The following SH2D5 variants were observed in gnomAD, a reference collection of about 807,000 sequenced individuals.
SH2D5 encodes the protein SH2 domain-containing protein 5.
Under a neutral mutation model 48.2 loss-of-function variants are expected in SH2D5, and 45 were observed. That is an observed-to-expected ratio of 0.93 (90% confidence interval 0.73 to 1.20). The LOEUF (loss-of-function observed/expected upper bound fraction) is 1.20. Ranked by LOEUF, SH2D5 falls within the 50% of genes most tolerant of loss-of-function variation. The pLI is 0.00. For synonymous variants in SH2D5, 230 were observed against 249.8 expected (o/e 0.92, Z 0.75); for missense variants, 538 against 584.1 (o/e 0.92, Z 0.81).
At position 20,721,809 on chromosome 1, in the gene SH2D5, G is replaced by C; in HGVS notation, c.1255C>G (p.Leu419Val). 1.3e-6 allele frequency: 2 copies of C among 1,589,370 alleles called. No homozygotes were observed. Among genetic ancestry groups the C allele is most frequent in the South Asian group, 1.1e-5 (1 of 88,424 alleles). Residue 419 changes from leucine (L) to valine (V), a missense_variant, in exon 10 of 10, where the codon CTG becomes GTG. Leu to Val is a conservative substitution (Grantham distance 32). Transcript: ENST00000444387. ...CCTACCTCTTAGCCCAGGCCCTGCA[G>C]CTCTGCCTCGGACTTGGCATGGCTG... The part of the protein sequence containing the change: ...PLSHAKSEAE[L>V]QGLG
intron 5 of SH2D5, among the ~76,000 whole-genome samples, chr1:20,725,222 C>T (rs12069700): frequency 0.011 from 1,721 of 152,358 alleles, 30 homozygotes; most frequent in African/African-American, 0.04. Context: ...GAGTTAGAAC[C>T]GTGAGCGTCA....
chr1:20,721,624 C>T lies in SH2D5; in HGVS notation c.*168G>A. 3.3e-6 allele frequency: 2 copies of T among 598,910 alleles called. No homozygotes were observed. The highest frequency in any genetic ancestry group is 2.9e-5 in the South Asian group (1 of 34,082). 37.1% of individuals were successfully genotyped at this position (598,910 alleles called of 1,614,324 possible). ...GTTCTCCAAGAAGCCATTGGCGATA[C>T]CCACCCTCAGGGCTCCCCTCCCACG... On this transcript the variant is annotated 3_prime_UTR_variant, in exon 10 of 10. Coordinates refer to ENST00000444387, the MANE Select transcript of SH2D5 (RefSeq NM_001103161.2).
In SH2D5 at chr1:20,727,531, C is replaced by T. The variant is rs779634683; in HGVS notation, c.160G>A (p.Ala54Thr). The change falls in exon 3 of 10, where the codon GCG (alanine) becomes ACG (threonine). Residue 54 changes from alanine to threonine, a missense_variant. By Grantham distance (58) the Ala-to-Thr change is moderately conservative. Coordinates refer to ENST00000444387, the MANE Select transcript of SH2D5 (RefSeq NM_001103161.2). Reference sequence around the variant, plus strand: ...CCTCCCAGGCCACCCACCTTCAGCGCCCACAGCTGCTGCTGCACCAGCCAC... The same window carrying T: ...CCTCCCAGGCCACCCACCTTCAGCGTCCACAGCTGCTGCTGCACCAGCCAC... ...SVWLVQQQLW[A>T]LKDCPRRRAV... 1 of 1,604,378 alleles carries T rather than the reference C, an allele frequency of 6.2e-7. No individual in the cohort carries two copies. Among genetic ancestry groups the T allele is most frequent in the Middle Eastern group, 1.7e-4 (1 of 6,048 alleles).
At chr1:20,722,632 G>A (rs2054708652) in intron 9 of SH2D5, 124 bp downstream of exon 9, 1 of 1,035,534 alleles carries the variant, frequency 9.7e-7, no homozygotes, top group Non-Finnish European at 1.3e-6. Flanking sequence ...GAGCCAATGG[G>A]AGACAGGGAT....
Position 20,723,699 on chromosome 1 carries a change from C to G in SH2D5, c.835G>C (p.Gly279Arg). Residue 279 changes from glycine (G) to arginine (R), a missense_variant, in exon 8 of 10, where the codon GGT becomes CGT. Transcript: ENST00000444387. ...CTCTCCACCAGGCACGAGTGGCCACCAGGACCCCGGGGCCATGCCTCCCAT... is the reference window on the plus strand; with the variant it reads ...CTCTCCACCAGGCACGAGTGGCCACGAGGACCCCGGGGCCATGCCTCCCAT... ...AAWEAWPRGP[G>R]GHSCLVESEG... 6.2e-7 allele frequency: 1 copy of G among 1,613,074 alleles called. No individual in the cohort carries two copies. Among genetic ancestry groups the G allele is most frequent in the Non-Finnish European group, 8.5e-7 (1 of 1,179,994 alleles).
At chr1:20,731,383 G>A (rs2054905810) in intron 1 of SH2D5, 1 of 152,426 alleles carries the variant, frequency 6.6e-6, no homozygotes, top group Admixed American at 6.5e-5. Flanking sequence ...CGTGACCTTG[G>A]GCAAGTCACT....
chr1:20,731,767 C>G (rs117901704), intron 1 of SH2D5, among the ~76,000 whole-genome samples: 2 of 151,982 alleles, frequency 1.3e-5, no homozygotes, highest in Non-Finnish European at 2.9e-5. Flanking sequence ...AGTGGGCTGC[C>G]GGTCCCGCTG....
At chr1:20,724,009 A>G (rs553157015) in intron 7 of SH2D5, 74 bp downstream of exon 7, 1 of 1,549,766 alleles carries the variant, frequency 6.5e-7, no homozygotes, top group South Asian at 1.2e-5. Context: ...ACTCACGCCC[A>G]CCTCTGGCTG....
rs1252843277 is a variant in SH2D5, at chr1:20,722,838, T to C, written c.986A>G (p.Gln329Arg). Residue 329 changes from glutamine to arginine, a missense_variant, in exon 9 of 10, where the codon CAG (glutamine) becomes CGG (arginine). Coordinates refer to ENST00000444387, the MANE Select transcript of SH2D5 (RefSeq NM_001103161.2). ...LLWPELGASG[Q>R]WCLSVRTQCG... ...CTGCGTGCGCACGGACAGACACCAC[T>C]GGCCGCTAGCACCCAGCTCAGGCCA... 1 of 1,605,180 alleles carries C rather than the reference T, an allele frequency of 6.2e-7. No individual in the cohort carries two copies. The highest frequency in any genetic ancestry group is 1.7e-5 in the Admixed American group (1 of 59,024).
rs2054856841 is a variant in SH2D5 at position 20,728,851 on chromosome 1, G to C, written c.-42-765C>G. 6.6e-6 allele frequency among the ~76,000 whole-genome samples: 1 copy of C among 152,168 alleles called. No homozygotes were observed. Among genetic ancestry groups the C allele is most frequent in the African/African-American group, 2.4e-5 (1 of 41,420 alleles). On this transcript the variant is annotated intron_variant, in intron 1 of 9. Transcript: ENST00000444387. The surrounding 1 kb of genome is among the most constrained non-coding windows in gnomAD (Gnocchi z 4.3). Reference sequence around the variant, plus strand: ...CAAGCTGGATGGCCAGAGCTGATGAGGCCAGGGACCTGCTGCATGGGACCC... The same window carrying C: ...CAAGCTGGATGGCCAGAGCTGATGACGCCAGGGACCTGCTGCATGGGACCC...
chr1:20,722,450 C>A (rs1429664840), intron 9 of SH2D5, among the ~76,000 whole-genome samples: 1 of 152,190 alleles, frequency 6.6e-6, no homozygotes, highest in Non-Finnish European at 1.5e-5. Flanking sequence ...AGAGAAGGGT[C>A]CTCGGTGACC....
In SH2D5 at chr1:20,720,206, T is replaced by G. The variant is rs1458101112; in HGVS notation, c.*1586A>C. ...ATGGCTGTAAAACAGAGTCCCAGCT[T>G]CCCACTCACTCAACATAAAACCAGT... On this transcript the variant is annotated 3_prime_UTR_variant, in exon 10 of 10. Coordinates refer to ENST00000444387, the MANE Select transcript of SH2D5 (RefSeq NM_001103161.2). 6.6e-6 allele frequency: 1 copy of G among 152,292 alleles called. No individual in the cohort carries two copies. The allele number at this position is 152,292 out of a possible 1,614,324, so 9.4% of individuals were successfully genotyped here.
intron 5 of SH2D5, among the ~76,000 whole-genome samples, chr1:20,725,442 T>G (rs925788374): frequency 6.6e-6 from 1 of 152,124 alleles, no homozygotes; most frequent in African/African-American, 2.4e-5. Flanking sequence ...GGCCAAGCAC[T>G]CTCTCAAGAC....
chr1:20,724,284 G>C, intron 6 of SH2D5, 33 bp from the exon 7 acceptor site: 1 of 1,610,292 alleles, frequency 6.2e-7, no homozygotes. Context: ...CAGGCAGGCA[G>C]ACTCAGGTCT....
intron 6 of SH2D5, 34 bp downstream of exon 6, chr1:20,724,362 C>G (rs1479541215): frequency 6.2e-7 from 1 of 1,607,666 alleles, no homozygotes; most frequent in Admixed American, 1.7e-5. Context: ...GTTCCCTTGT[C>G]CACTGCCCAC....
At chr1:20,727,818 GCA>G (rs2054831796) in intron 2 of SH2D5, 138 bp downstream of exon 2, 16 of 862,686 alleles carry the variant, frequency 1.9e-5, no homozygotes, top group South Asian at 2.9e-5. Context: ...CCTCATCGGG[GCA>G]CACACACACT....
rs2054688841 is a variant in SH2D5 at position 20,721,755 on chromosome 1, G to C, written c.*37C>G. On this transcript the variant is annotated 3_prime_UTR_variant, in exon 10 of 10. Transcript: ENST00000444387. ...AGATGCTGCTGGGGCCCAGGAGCCG[G>C]GGTGAGGCGGGGCCTGTGGGACCGG... 6.8e-7 allele frequency: 1 copy of C among 1,468,806 alleles called. No homozygotes were observed. The highest frequency in any genetic ancestry group is 2.4e-5 in the Admixed American group (1 of 41,314). The allele number at this position is 1,468,806 out of a possible 1,614,324, so 91.0% of individuals were successfully genotyped here.
At chr1:20,722,354 G>T (rs944166571) in intron 9 of SH2D5, among the ~76,000 whole-genome samples, 5 of 152,200 alleles carry the variant, frequency 3.3e-5, no homozygotes, top group African/African-American at 1.2e-4. Context: ...GGGCTAGGGT[G>T]TGGGAAAGCC....
In SH2D5 at chr1:20,720,525, G is replaced by A. The variant is rs1368913143; in HGVS notation, c.*1267C>T. 1 of 152,262 alleles carries A rather than the reference G, an allele frequency of 6.6e-6. No individual in the cohort carries two copies. Among genetic ancestry groups the A allele is most frequent in the Non-Finnish European group, 1.5e-5 (1 of 68,062 alleles). The allele number at this position is 152,262 out of a possible 1,614,324, so 9.4% of individuals were successfully genotyped here. The stretch of plus-strand genomic sequence containing the variant: ...CTGTCCCACTCCCAGACGGGGAGAG[G>A]GCAGCCCCCAGGCTCATGACGTGGC... On this transcript the variant is annotated 3_prime_UTR_variant, in exon 10 of 10. Coordinates refer to ENST00000444387, the MANE Select transcript of SH2D5 (RefSeq NM_001103161.2).
Sources: allele counts gnomAD v4.1 joint callset (sites outside exome capture counted in the v4.1 genomes callset), GRCh38; gene constraint gnomAD v4.1.1; non-coding constraint Gnocchi (gnomAD v3.1); transcripts MANE v1.5; gene names NCBI Gene and HGNC (gene_info 2026-07-23, HGNC 2026-07-21).